HEMK2: variants seen among roughly 807,000 people sequenced by gnomAD.
The protein encoded by HEMK2 is HemK methyltransferase 2, ETF1 glutamine and histone H4 lysine.
the HEMK2 span, among the ~76,000 whole-genome samples, chr21:28,680,467 G>A: frequency 6.6e-6 from 1 of 152,164 alleles, no homozygotes; most frequent in Admixed American, 6.5e-5. Flanking sequence ...GATTGTGTCA[G>A]AGGTACAAGG....
chr21:28,789,350 T>C, the HEMK2 span, among the ~76,000 whole-genome samples: 2 of 152,166 alleles, frequency 1.3e-5, no homozygotes, highest in South Asian at 2.1e-4. Context: ...TAGCTCTCAA[T>C]TGTGGAAAGA....
the HEMK2 span, among the ~76,000 whole-genome samples, chr21:28,788,763 C>A: frequency 6.6e-6 from 1 of 151,162 alleles, no homozygotes; most frequent in African/African-American, 2.4e-5. Context: ...TTCATGTCCA[C>A]CAGACTCTCA....
chr21:28,860,555 T>C, the HEMK2 span, among the ~76,000 whole-genome samples: 5 of 151,660 alleles, frequency 3.3e-5, no homozygotes, highest in Admixed American at 3.3e-4. Flanking sequence ...AACAAAGAAA[T>C]TTTAAAAAAT....
the HEMK2 span, among the ~76,000 whole-genome samples, chr21:28,727,793 C>T: frequency 6.6e-6 from 1 of 152,156 alleles, no homozygotes; most frequent in Admixed American, 6.5e-5. Context: ...TCAATTCAGA[C>T]CAGACCTGTT....
the HEMK2 span, among the ~76,000 whole-genome samples, chr21:28,671,744 C>T: frequency 6.6e-6 from 1 of 152,176 alleles, no homozygotes; most frequent in East Asian, 1.9e-4. Context: ...CACCCTTAGT[C>T]ACTAGGAAGC....
the HEMK2 span, among the ~76,000 whole-genome samples, chr21:28,732,647 G>C: frequency 6.6e-6 from 1 of 152,198 alleles, no homozygotes; most frequent in Non-Finnish European, 1.5e-5. Flanking sequence ...TGGCAGGGGG[G>C]CCACAGGTAG....
At chr21:28,704,810 T>C in the HEMK2 span, among the ~76,000 whole-genome samples, 1 of 152,184 alleles carries the variant, frequency 6.6e-6, no homozygotes, top group Admixed American at 6.6e-5. Flanking sequence ...TGACAAAGTA[T>C]ACAAGTTTCA....
chr21:28,581,922 T>G, the HEMK2 span, among the ~76,000 whole-genome samples: 1 of 152,228 alleles, frequency 6.6e-6, no homozygotes, highest in South Asian at 2.1e-4. Flanking sequence ...TAAAATGCCC[T>G]AACACTTATG....
chr21:28,858,598 G>A, the HEMK2 span, among the ~76,000 whole-genome samples: 19 of 152,042 alleles, frequency 1.2e-4, no homozygotes, highest in African/African-American at 4.1e-4. Flanking sequence ...AAGGAGGGAG[G>A]GACGCAGGGA....
the HEMK2 span, among the ~76,000 whole-genome samples, chr21:28,748,683 G>A: frequency 6.6e-6 from 1 of 152,160 alleles, no homozygotes; most frequent in African/African-American, 2.4e-5. Flanking sequence ...TCCATCTTCT[G>A]GGAAAACATG....
the HEMK2 span, chr21:28,885,347 G>A: frequency 5.1e-6 from 8 of 1,556,414 alleles, no homozygotes; most frequent in Non-Finnish European, 7.0e-6. Flanking sequence ...CCCTGCCATA[G>A]TCCTTCGCTG....
chr21:28,831,858 T>C, the HEMK2 span, among the ~76,000 whole-genome samples: 1 of 152,150 alleles, frequency 6.6e-6, no homozygotes, highest in Non-Finnish European at 1.5e-5. Flanking sequence ...CTGTTTGTAT[T>C]CTGTGTCATT....
the HEMK2 span, among the ~76,000 whole-genome samples, chr21:28,603,915 G>A: frequency 6.6e-6 from 1 of 152,210 alleles, no homozygotes; most frequent in East Asian, 1.9e-4. Flanking sequence ...CTACCCAGAA[G>A]TTGGTGGCGA....
chr21:28,849,039 G>A, the HEMK2 span, among the ~76,000 whole-genome samples: 1 of 152,216 alleles, frequency 6.6e-6, no homozygotes, highest in African/African-American at 2.4e-5. Flanking sequence ...GCATGTGTGA[G>A]TTAGCACAGA....
the HEMK2 span, among the ~76,000 whole-genome samples, chr21:28,652,148 T>C: frequency 6.6e-6 from 1 of 152,210 alleles, no homozygotes; most frequent in African/African-American, 2.4e-5. Context: ...GCTGACTTTA[T>C]TAAAACATAA....
chr21:28,794,140 A>G, the HEMK2 span, among the ~76,000 whole-genome samples: 3 of 152,182 alleles, frequency 2.0e-5, no homozygotes, highest in African/African-American at 7.2e-5. Flanking sequence ...CTAGGTACCT[A>G]AAGTTTTTTT....
chr21:28,834,060 G>A, the HEMK2 span, among the ~76,000 whole-genome samples: 1 of 152,222 alleles, frequency 6.6e-6, no homozygotes, highest in East Asian at 1.9e-4. Flanking sequence ...CGTGGTTTAT[G>A]CTTGCTTCTG....
At chr21:28,698,334 T>C in the HEMK2 span, among the ~76,000 whole-genome samples, 2 of 152,126 alleles carry the variant, frequency 1.3e-5, no homozygotes, top group Non-Finnish European at 2.9e-5. Flanking sequence ...AGAGCAGATA[T>C]ATATATATAA....
chr21:28,587,509 A>G, the HEMK2 span, among the ~76,000 whole-genome samples: 25 of 152,320 alleles, frequency 1.6e-4, 1 homozygote, highest in East Asian at 4.6e-3. Flanking sequence ...TAGGCAACCT[A>G]AAAAACTAAT....
Sources: gnomAD v4.1 joint callset for allele counts (sites outside exome capture counted in the v4.1 genomes callset) on GRCh38, gnomAD v4.1.1 for gene constraint, MANE v1.5 for transcripts, NCBI Gene and HGNC (gene_info 2026-07-23, HGNC 2026-07-21) for gene names.